INSL6: variants seen among roughly 807,000 people sequenced by gnomAD.
INSL6 encodes insulin like 6.
A neutral mutation model predicts 9.4 loss-of-function variants in INSL6; 16 were observed. That is an observed-to-expected ratio of 1.70 (90% CI 1.15 to 2.59). The LOEUF (loss-of-function observed/expected upper bound fraction) is 2.59, where lower values mean the gene tolerates loss of function less well. Ranked by LOEUF, INSL6 falls within the 30% of genes most tolerant of loss-of-function variation. The pLI, the probability that INSL6 is intolerant of heterozygous loss-of-function variation, is 0.00. For synonymous variants in INSL6, 154 were observed against 96.9 expected (o/e 1.59, Z -3.46); for missense variants, 391 against 257.3 (o/e 1.52, Z -3.56).
intron 1 of INSL6, among the ~76,000 whole-genome samples, chr9:5,178,605 C>T (rs1825373634): frequency 6.6e-6 from 1 of 152,184 alleles, no homozygotes; most frequent in African/African-American, 2.4e-5. Flanking sequence ...CAACTTCAAA[C>T]TATACTACAA....
At chr9:5,163,861 A>C, downstream of INSL6, 1 of 1,164,016 alleles carries the variant, frequency 8.6e-7, no homozygotes, top group South Asian at 1.4e-5. Flanking sequence ...AAAAAAATAG[A>C]GTTAAATAAA....
downstream of INSL6, chr9:5,163,737 C>G: frequency 3.5e-6 from 2 of 569,540 alleles, no homozygotes; most frequent in Non-Finnish European, 6.2e-6. Context: ...AGGAAAACAA[C>G]AGGGTCACCA....
chr9:5,081,893 T>C, the INSL6 span: 4 of 1,559,064 alleles, frequency 2.6e-6, no homozygotes, highest in Non-Finnish European at 3.5e-6. Flanking sequence ...AAATAGAGTA[T>C]AATCATTTCA....
the INSL6 span, among the ~76,000 whole-genome samples, chr9:4,999,191 T>C: frequency 2.0e-5 from 3 of 152,210 alleles, no homozygotes; most frequent in Admixed American, 2.0e-4. Flanking sequence ...GGTAAAATGA[T>C]TACATTTGAC....
Position 5,185,382 on chromosome 9 carries a change from G to A in INSL6, c.221C>T (p.Ala74Val), listed in dbSNP as rs201962912. The A allele has an allele frequency of 5.9e-5, 95 of 1,614,028 alleles. No homozygotes were observed. Among genetic ancestry groups the A allele is most frequent in the Non-Finnish European group, 7.5e-5 (88 of 1,180,018 alleles). ...LIAQASEKVE[A>V]YSPYQFESPQ... is the part of the protein sequence containing the mutation. ...GCTTTCGAACTGGTATGGGCTGTAG[G>A]CTTCGACCTTCTCCGAGGCCTGTGC... Residue 74 changes from alanine (A) to valine (V), a missense_variant, in exon 1 of 2, where the codon GCC becomes GTC. By Grantham distance (64) the Ala-to-Val change is moderately conservative. Coordinates refer to ENST00000381641, the MANE Select transcript of INSL6 (RefSeq NM_007179.3).
At chr9:5,163,183 G>C (rs968750494), downstream of INSL6, among the ~76,000 whole-genome samples, 4 of 152,166 alleles carry the variant, frequency 2.6e-5, no homozygotes, top group African/African-American at 9.6e-5. Flanking sequence ...GGTTTGAGGT[G>C]AGACTTTAGA....
At chr9:5,000,771 T>A in the INSL6 span, among the ~76,000 whole-genome samples, 1 of 152,238 alleles carries the variant, frequency 6.6e-6, no homozygotes, top group South Asian at 2.1e-4. Context: ...TCTTCTTGTT[T>A]GATATATTTG....
chr9:5,038,770 A>T, the INSL6 span, among the ~76,000 whole-genome samples: 1 of 152,138 alleles, frequency 6.6e-6, no homozygotes, highest in Non-Finnish European at 1.5e-5. Context: ...TTTTCAGGTT[A>T]GGAATGCTCA....
chr9:5,043,109 T>C, the INSL6 span, among the ~76,000 whole-genome samples: 1 of 152,120 alleles, frequency 6.6e-6, no homozygotes, highest in Non-Finnish European at 1.5e-5. Context: ...ACAAAATGCC[T>C]TAAAGCCCCC....
chr9:5,051,483 A>G, the INSL6 span, among the ~76,000 whole-genome samples: 2 of 152,142 alleles, frequency 1.3e-5, no homozygotes, highest in Non-Finnish European at 2.9e-5. Context: ...AGAGATTTGG[A>G]TTCAGTAAAT....
the INSL6 span, among the ~76,000 whole-genome samples, chr9:5,035,536 T>C: frequency 6.6e-6 from 1 of 152,154 alleles, no homozygotes; most frequent in East Asian, 1.9e-4. Context: ...TTATCCACCA[T>C]GATCAAGTGG....
the INSL6 span, chr9:5,081,871 C>A: frequency 1.2e-6 from 2 of 1,606,444 alleles, no homozygotes; most frequent in South Asian, 1.1e-5. Context: ...GGTAAATTGT[C>A]AGAATTTTTT....
chr9:5,146,510 G>C (rs1387943687), intron 2 of INSL6, among the ~76,000 whole-genome samples: 2 of 152,180 alleles, frequency 1.3e-5, no homozygotes, highest in African/African-American at 2.4e-5. Flanking sequence ...CACAGGTGTG[G>C]GTGGCCTTCT....
the INSL6 span, chr9:5,080,326 G>A: frequency 1.2e-6 from 2 of 1,613,874 alleles, no homozygotes; most frequent in Non-Finnish European, 1.7e-6. Context: ...GTACCACTTT[G>A]TGGGAAATCT....
At chr9:5,029,820 G>T in the INSL6 span, 1 of 1,611,092 alleles carries the variant, frequency 6.2e-7, no homozygotes, top group South Asian at 1.1e-5. Context: ...TTGCTTTAAT[G>T]AGTGAAACAG....
At chr9:5,089,291 C>T in the INSL6 span, among the ~76,000 whole-genome samples, 1 of 152,096 alleles carries the variant, frequency 6.6e-6, no homozygotes, top group South Asian at 2.1e-4. Flanking sequence ...GTAATCCCAG[C>T]ACTTTGGGAG....
the INSL6 span, among the ~76,000 whole-genome samples, chr9:5,056,793 G>C: frequency 2.0e-5 from 3 of 152,126 alleles, no homozygotes; most frequent in African/African-American, 7.2e-5. Context: ...TGAACAAACT[G>C]TAGTAACCCA....
At chr9:5,079,676 A>G in the INSL6 span, among the ~76,000 whole-genome samples, 2 of 152,094 alleles carry the variant, frequency 1.3e-5, no homozygotes, top group Admixed American at 6.6e-5. Flanking sequence ...GCAGTGGCTC[A>G]TGCCTGTAAT....
At chr9:5,124,326 G>C (rs753052460) in exon 4 of INSL6, among the ~76,000 whole-genome samples, 5 of 151,106 alleles carry the variant, frequency 3.3e-5, no homozygotes, top group African/African-American at 4.9e-5. Flanking sequence ...TTTTTTTCTA[G>C]TATTTTTCTA....
Sources: gnomAD v4.1 joint callset for allele counts (sites outside exome capture counted in the v4.1 genomes callset) on GRCh38, gnomAD v4.1.1 for gene constraint, MANE v1.5 for transcripts, NCBI Gene and HGNC (gene_info 2026-07-23, HGNC 2026-07-21) for gene names.